Variants in CREB5 observed in about 807,000 individuals in gnomAD.
The protein encoded by CREB5 is cyclic AMP-responsive element-binding protein 5.
CREB5 carries 19 observed loss-of-function variants against 57.1 expected under a neutral mutation model. That is an observed-to-expected ratio of 0.33 (90% CI 0.23 to 0.49). The LOEUF (loss-of-function observed/expected upper bound fraction) is 0.49. Among genes scored for constraint, CREB5 ranks in the 20% least tolerant of loss-of-function variants. The pLI is 0.99. For synonymous variants in CREB5, 238 were observed against 238.3 expected, an observed-to-expected ratio of 1.00 and a Z score of 0.01; for missense variants, 579 against 671.6, an observed-to-expected ratio of 0.86 and a Z score of 1.52.
chr7:28,590,550 G>C (rs1319132306), intron 5 of CREB5, among the ~76,000 whole-genome samples: 1 of 102,536 alleles, frequency 9.8e-6, no homozygotes, highest in Non-Finnish European at 1.9e-5. Flanking sequence ...AGGGGGGAGG[G>C]ATAGCATTAG....
chr7:28,694,301 C>T (rs150900321), intron 5 of CREB5, among the ~76,000 whole-genome samples: 11 of 152,262 alleles, frequency 7.2e-5, no homozygotes, highest in Non-Finnish European at 1.6e-4. Flanking sequence ...GTAGCATTTT[C>T]GCCTTTAGTT....
intron 1 of CREB5, among the ~76,000 whole-genome samples, chr7:28,309,065 TA>T (rs1401365124): frequency 6.6e-6 from 1 of 152,154 alleles, no homozygotes; most frequent in African/African-American, 2.4e-5. Flanking sequence ...ACCGGAATAT[TA>T]GCTCTCCTGG....
chr7:28,621,294 G>A (rs1224788773), intron 5 of CREB5, among the ~76,000 whole-genome samples: 2 of 152,172 alleles, frequency 1.3e-5, no homozygotes, highest in African/African-American at 4.8e-5. Flanking sequence ...ACTGGAAAAT[G>A]TTGAGAGCCA....
At chr7:28,414,308 C>A (rs6947197) in intron 1 of CREB5, among the ~76,000 whole-genome samples, 7,951 of 150,000 alleles carry the variant, frequency 0.053, 688 homozygotes, top group African/African-American at 0.18. Context: ...TTAGAGGCAG[C>A]TTTCTTGGAT....
intron 4 of CREB5, among the ~76,000 whole-genome samples, chr7:28,560,865 CCTGCGTGCGCGTGCGTGCGTGCGTGTGT>C (rs1795117875): frequency 3.4e-4 from 5 of 14,818 alleles, no homozygotes; most frequent in African/African-American, 9.4e-4. Flanking sequence ...TGTGCGTGTG[CCTGCGTGCGCGTGCGTGCGTGCGTGTGT>C]GTGCGTGCGC....
At chr7:28,563,272 T>C (rs887267586) in intron 4 of CREB5, among the ~76,000 whole-genome samples, 1 of 152,178 alleles carries the variant, frequency 6.6e-6, no homozygotes, top group Non-Finnish European at 1.5e-5. Flanking sequence ...TACATTTTTG[T>C]TTTCAGACGC....
rs910783887 is a variant in CREB5, at chr7:28,573,782, T to C, written c.464+3245T>C. On this transcript the variant is annotated intron_variant, in intron 5 of 10. Coordinates refer to ENST00000357727, the MANE Select transcript of CREB5 (RefSeq NM_182898.4). ...AAAGGGTAGGCATCCTCATAAGCAT[T>C]TGATTTTCATGCTTTTTGAACAGGC... Among the ~76,000 whole-genome samples, 3 of 152,208 alleles carry C rather than the reference T, an allele frequency of 2.0e-5. No individual in the cohort carries two copies. In the East Asian group the frequency reaches 5.8e-4, roughly 29 times the overall value.
chr7:28,804,653 G>GT, intron 8 of CREB5, 131 bp downstream of exon 8: 1 of 1,151,800 alleles, frequency 8.7e-7, no homozygotes, highest in Non-Finnish European at 1.3e-6. Context: ...TAGGGGCTCT[G>GT]TTTATCTCCT....
intron 4 of CREB5, among the ~76,000 whole-genome samples, chr7:28,509,868 G>A (rs886371208): frequency 3.3e-5 from 5 of 152,154 alleles, no homozygotes; most frequent in African/African-American, 7.2e-5. Flanking sequence ...TCAGGACACC[G>A]CCGTCTCATG....
intron 1 of CREB5, among the ~76,000 whole-genome samples, chr7:28,302,084 A>G (rs913924750): frequency 1.3e-5 from 2 of 151,440 alleles, no homozygotes; most frequent in African/African-American, 4.8e-5. Context: ...ATGTGTCATC[A>G]GAAAAGTTAA....
intron 4 of CREB5, among the ~76,000 whole-genome samples, chr7:28,561,021 T>TGTGTGCGTGCGC (rs1562798645): frequency 4.6e-5 from 2 of 43,240 alleles, no homozygotes; most frequent in African/African-American, 3.2e-4. Flanking sequence ...TGTGTGCGTG[T>TGTGTGCGTGCGC]GTGCGTGTGT....
chr7:28,370,435 T>C (rs1786683499), intron 1 of CREB5, among the ~76,000 whole-genome samples: 1 of 152,048 alleles, frequency 6.6e-6, no homozygotes, highest in African/African-American at 2.4e-5. Context: ...AAAGGTGAGG[T>C]GTTTGGGAGG....
intron 7 of CREB5, among the ~76,000 whole-genome samples, chr7:28,766,899 G>T (rs1321371782): frequency 1.3e-5 from 2 of 152,202 alleles, no homozygotes; most frequent in African/African-American, 4.8e-5. Context: ...CTTGGGGACA[G>T]GGTGATATCA....
rs982645213 is a variant in CREB5 at position 28,676,163 on chromosome 7, G to A, written c.465-42590G>A. 7.2e-5 allele frequency among the ~76,000 whole-genome samples: 11 copies of A among 152,216 alleles called. No individual in the cohort carries two copies. In the South Asian group the frequency reaches 1.9e-3, roughly 26 times the overall value. ...TAGTACATGACCAAAGAACTAGTTAGGAGGCCTCTTTGCTTTCATCATAAC... is the reference window on the plus strand; with the variant it reads ...TAGTACATGACCAAAGAACTAGTTAAGAGGCCTCTTTGCTTTCATCATAAC... On this transcript the variant is annotated intron_variant, in intron 5 of 10. Transcript: ENST00000357727.
chr7:28,586,106 C>G (rs1362529243), intron 5 of CREB5, among the ~76,000 whole-genome samples: 2 of 152,078 alleles, frequency 1.3e-5, no homozygotes, highest in Non-Finnish European at 2.9e-5. Flanking sequence ...TTTTAATAAG[C>G]CAGAAAATGG....
chr7:28,435,966 T>C (rs1035593810), intron 1 of CREB5, among the ~76,000 whole-genome samples: 1 of 152,196 alleles, frequency 6.6e-6, no homozygotes, highest in Non-Finnish European at 1.5e-5. Flanking sequence ...CATTTCTCTG[T>C]CCAGCAGACT....
At chr7:28,707,439 C>T (rs905071709) in intron 5 of CREB5, among the ~76,000 whole-genome samples, 12 of 152,176 alleles carry the variant, frequency 7.9e-5, no homozygotes, top group Non-Finnish European at 1.6e-4. Context: ...CACTCCTGGT[C>T]GGTGGCAGAG....
intron 5 of CREB5, among the ~76,000 whole-genome samples, chr7:28,711,566 G>A (rs761695613): frequency 4.6e-5 from 7 of 152,158 alleles, no homozygotes; most frequent in Non-Finnish European, 7.3e-5. Flanking sequence ...CAGCTTTCTC[G>A]TGTTCCTAAT....
intron 7 of CREB5, among the ~76,000 whole-genome samples, chr7:28,743,099 A>C (rs1319700777): frequency 2.6e-5 from 4 of 152,070 alleles, no homozygotes; most frequent in Non-Finnish European, 4.4e-5. Flanking sequence ...TGCTTTTACT[A>C]ATCGAGTGTT....
Sources: allele counts gnomAD v4.1 joint callset (sites outside exome capture counted in the v4.1 genomes callset), GRCh38; gene constraint gnomAD v4.1.1; transcripts MANE v1.5; gene names NCBI Gene and HGNC (gene_info 2026-07-23, HGNC 2026-07-21).